Variants in ZNF248 observed in about 807,000 individuals in gnomAD.
ZNF248 encodes zinc finger protein 248.
A neutral mutation model predicts 44.3 loss-of-function variants in ZNF248; 20 were observed. The ratio of observed to expected loss-of-function variants is 0.45; its 90% CI spans 0.32 to 0.66. The LOEUF (loss-of-function observed/expected upper bound fraction) is 0.66. ZNF248 is among the 30% of genes least tolerant of loss of function. The pLI is 0.04. For missense variants in ZNF248, 654 were observed against 677.0 expected (o/e 0.97, Z 0.38); for synonymous variants, 224 against 229.0 (o/e 0.98, Z 0.20).
intron 3 of ZNF248, among the ~76,000 whole-genome samples, chr10:37,853,499 TCCCGA>T (rs1396656345): frequency 2.0e-5 from 3 of 152,122 alleles, no homozygotes; most frequent in Non-Finnish European, 4.4e-5. Context: ...TGCCTCAGCC[TCCCGA>T]GTAGCTGGGA....
rs181664962 is a variant in ZNF248, at chr10:37,777,221, T to C, written c.331-646A>G. Among the ~76,000 whole-genome samples, 1,249 of 152,260 alleles carry C rather than the reference T, an allele frequency of 8.2e-3. 16 individuals are homozygous for C. The highest frequency in any genetic ancestry group is 8.7e-3 in the Non-Finnish European group (591 of 68,022). On this transcript the variant is annotated intron_variant, in intron 6 of 6. Transcript: ENST00000615949. ...CAAAACAAAAAAAAGGAACTTGCCT[T>C]GAACCTTTGAAGTGGGCCAAACTGC...
intron 3 of ZNF248, among the ~76,000 whole-genome samples, 171 bp from the exon 4 acceptor site, chr10:37,838,282 G>C (rs1411934501): frequency 1.3e-5 from 2 of 152,118 alleles, no homozygotes; most frequent in Non-Finnish European, 2.9e-5. Context: ...TTCTACTAAG[G>C]GTCTGGAATT....
intron 6 of ZNF248, among the ~76,000 whole-genome samples, chr10:37,789,780 A>G (rs1231214224): frequency 1.3e-5 from 2 of 152,194 alleles, no homozygotes; most frequent in African/African-American, 4.8e-5. Context: ...TTTACAGGTG[A>G]CTAACACAGA....
At chr10:37,844,772 C>T (rs1325036887) in intron 3 of ZNF248, among the ~76,000 whole-genome samples, 1 of 151,834 alleles carries the variant, frequency 6.6e-6, no homozygotes, top group Non-Finnish European at 1.5e-5. Context: ...AAATATGCTA[C>T]AAAAAATCAG....
downstream of ZNF248, among the ~76,000 whole-genome samples, chr10:37,827,380 A>G (rs909194770): frequency 3.3e-5 from 5 of 152,220 alleles, no homozygotes; most frequent in African/African-American, 7.2e-5. Context: ...AAAGAAACCA[A>G]TAACAGAGAG....
chr10:37,771,682 A>T (rs1208567264), downstream of ZNF248, among the ~76,000 whole-genome samples: 2 of 151,836 alleles, frequency 1.3e-5, no homozygotes, highest in Non-Finnish European at 2.9e-5. Flanking sequence ...CTAAATGATG[A>T]GTTAATGGGC....
chr10:37,831,070 A>T lies in ZNF248; in HGVS notation c.*545T>A, dbSNP rs2055491767. On this transcript the variant is annotated 3_prime_UTR_variant, in exon 6 of 6. Transcript: ENST00000395867. ...CAAACATATGTACATACACATATAT[A>T]ATTATGTCAACCTATAAAGACACCA... The T allele has an allele frequency of 7.7e-7, 1 of 1,292,008 alleles. No individual in the cohort carries two copies. Among genetic ancestry groups the T allele is most frequent in the Non-Finnish European group, 1.0e-6 (1 of 994,662 alleles). The allele number at this position is 1,292,008 out of a possible 1,614,324, so 80.0% of individuals were successfully genotyped here.
chr10:37,843,088 G>A (rs1589817006), intron 3 of ZNF248, among the ~76,000 whole-genome samples: 1 of 152,126 alleles, frequency 6.6e-6, no homozygotes, highest in African/African-American at 2.4e-5. Flanking sequence ...AACATTAGCT[G>A]AAAGCAAGCT....
rs578197257 is a variant in ZNF248, at chr10:37,817,844, T to TTA, written c.330+15179_330+15180dup. On this transcript the variant is annotated intron_variant, in intron 6 of 6. Transcript: ENST00000615949. ...CTTTTTAGAAGATGTTACCTAAACTTTATTAAAAGAACAAGTCTAAATATA... is the reference window on the plus strand; with the variant it reads ...CTTTTTAGAAGATGTTACCTAAACTTTATATTAAAAGAACAAGTCTAAATATA... Among the ~76,000 whole-genome samples the TTA allele has an allele frequency of 2.7e-3, 406 of 152,274 alleles. 2 individuals are homozygous for TTA. The highest frequency in any genetic ancestry group is 9.2e-3 in the African/African-American group (382 of 41,570).
At chr10:37,804,813 A>T (rs2050330543) in intron 6 of ZNF248, among the ~76,000 whole-genome samples, 1 of 152,206 alleles carries the variant, frequency 6.6e-6, no homozygotes, top group Non-Finnish European at 1.5e-5. Flanking sequence ...CAAGTCCATA[A>T]AATAAGAGTA....
chr10:37,843,280 C>G (rs563864418), intron 3 of ZNF248, among the ~76,000 whole-genome samples: 10 of 152,038 alleles, frequency 6.6e-5, no homozygotes, highest in Non-Finnish European at 1.5e-4. Context: ...CAAAAATTAG[C>G]TGGGCGTGGT....
At chr10:37,767,885 C>T in the ZNF248 span, among the ~76,000 whole-genome samples, 930 of 152,262 alleles carry the variant, frequency 6.1e-3, 10 homozygotes, top group African/African-American at 0.021. Context: ...AAACCCATCT[C>T]ACGTGCAGAG....
intron 6 of ZNF248, among the ~76,000 whole-genome samples, chr10:37,813,798 T>A (rs1031743145): frequency 3.9e-4 from 60 of 152,280 alleles, no homozygotes; most frequent in Admixed American, 1.6e-3. Flanking sequence ...TCAGTGCCCC[T>A]AACCCACCAC....
chr10:37,797,750 A>G (rs112336446), intron 6 of ZNF248, among the ~76,000 whole-genome samples: 5 of 152,266 alleles, frequency 3.3e-5, no homozygotes, highest in African/African-American at 9.6e-5. Context: ...CAAAATCACA[A>G]TGAGATCTCC....
downstream of ZNF248, among the ~76,000 whole-genome samples, chr10:37,771,693 G>A (rs549277914): frequency 6.6e-5 from 10 of 151,492 alleles, no homozygotes; most frequent in Admixed American, 2.0e-4. Flanking sequence ...GTTAATGGGC[G>A]CAGCACACCA....
intron 6 of ZNF248, chr10:37,820,877 A>G (rs9418289): frequency 0.14 from 173,842 of 1,282,136 alleles, 12,740 homozygotes; most frequent in Admixed American, 0.24. Flanking sequence ...TTGCATATTT[A>G]TTGTTTTTTC....
Position 37,819,077 on chromosome 10 carries a change from C to T in ZNF248, c.330+13948G>A, listed in dbSNP as rs1589424156. On this transcript the variant is annotated intron_variant, in intron 6 of 6. Transcript: ENST00000615949. Reference sequence around the variant, plus strand: ...ATCATCATCCATGATCTTCGAAAGACCAAGCTCTGTAATTTTTCTCTCTCC... The same window carrying T: ...ATCATCATCCATGATCTTCGAAAGATCAAGCTCTGTAATTTTTCTCTCTCC... 8.8e-6 allele frequency: 7 copies of T among 793,440 alleles called. 1 individual carries two copies. The highest frequency in any genetic ancestry group is 8.0e-5 in the South Asian group (6 of 74,898). The allele number at this position is 793,440 out of a possible 1,614,324, so 49.1% of individuals were successfully genotyped here.
intron 6 of ZNF248, among the ~76,000 whole-genome samples, chr10:37,783,437 T>C (rs2047536826): frequency 6.6e-6 from 1 of 152,086 alleles, no homozygotes; most frequent in Admixed American, 6.5e-5. Context: ...TAGGGGTGAA[T>C]CTTCATGATT....
chr10:37,813,393 G>C (rs993036727), intron 6 of ZNF248, among the ~76,000 whole-genome samples: 2 of 152,102 alleles, frequency 1.3e-5, no homozygotes, highest in African/African-American at 4.8e-5. Flanking sequence ...TTATGATGTA[G>C]TTCTGGAAAG....
Sources: gnomAD v4.1 joint callset for allele counts (sites outside exome capture counted in the v4.1 genomes callset) on GRCh38, gnomAD v4.1.1 for gene constraint, MANE v1.5 for transcripts, NCBI Gene and HGNC (gene_info 2026-07-23, HGNC 2026-07-21) for gene names.